The following FBXL17 variants were observed in gnomAD, a reference collection of about 807,000 sequenced individuals.
The protein encoded by FBXL17 is F-box and leucine rich repeat protein 17, also known as F-box/LRR-repeat protein 17.
Under a neutral mutation model 66.2 loss-of-function variants are expected in FBXL17, and 22 were observed. The observed-to-expected ratio is 0.33, with a 90% CI of 0.24 to 0.47. The LOEUF is 0.47. Among genes scored for constraint, FBXL17 ranks in the 20% least tolerant of loss-of-function variants. The probability of loss-of-function intolerance (pLI) is 1.00; values close to 1 mark genes in which losing one functional copy is unlikely to be tolerated. For synonymous variants in FBXL17, 474 were observed against 400.5 expected (o/e 1.18, Z -2.19); for missense variants, 878 against 948.2 (o/e 0.93, Z 0.97).
intron 7 of FBXL17, among the ~76,000 whole-genome samples, chr5:107,901,142 T>G (rs561302520): frequency 6.6e-6 from 1 of 152,324 alleles, no homozygotes; most frequent in Non-Finnish European, 1.5e-5. Flanking sequence ...ACTATAAATT[T>G]TCTTAACCTG....
chr5:108,302,346 G>T (rs986468288), intron 4 of FBXL17, among the ~76,000 whole-genome samples: 1 of 151,776 alleles, frequency 6.6e-6, no homozygotes, highest in Non-Finnish European at 1.5e-5. Flanking sequence ...TGGAATGAGT[G>T]CTTCAAACAA....
chr5:108,201,240 C>A (rs1753882317), intron 5 of FBXL17, among the ~76,000 whole-genome samples: 1 of 152,036 alleles, frequency 6.6e-6, no homozygotes, highest in Non-Finnish European at 1.5e-5. Context: ...CAACATTAAA[C>A]AAAATTGCAA....
At chr5:108,322,732 A>G (rs985006431) in intron 4 of FBXL17, among the ~76,000 whole-genome samples, 31 of 151,950 alleles carry the variant, frequency 2.0e-4, no homozygotes, top group African/African-American at 7.5e-4. Context: ...ATTTCCATCA[A>G]TAATTTAATA....
At chr5:108,119,275 G>T (rs937563423) in intron 6 of FBXL17, among the ~76,000 whole-genome samples, 5 of 152,202 alleles carry the variant, frequency 3.3e-5, no homozygotes, top group African/African-American at 1.2e-4. Flanking sequence ...CTGAGGTTGT[G>T]CAAGGGGAAT....
intron 6 of FBXL17, among the ~76,000 whole-genome samples, chr5:108,157,074 G>A (rs1031823444): frequency 6.7e-6 from 1 of 149,718 alleles, no homozygotes; most frequent in Non-Finnish European, 1.5e-5. Flanking sequence ...AAACACAAGA[G>A]TTAGATCTAG....
chr5:108,195,706 C>G (rs1057404509), intron 5 of FBXL17, among the ~76,000 whole-genome samples: 1 of 152,070 alleles, frequency 6.6e-6, no homozygotes, highest in Admixed American at 6.6e-5. Context: ...TTAATCCAGT[C>G]AAGAGTTATC....
chr5:108,268,212 A>T (rs377245272), intron 4 of FBXL17, among the ~76,000 whole-genome samples: 57 of 152,092 alleles, frequency 3.7e-4, no homozygotes, highest in African/African-American at 1.4e-3. Flanking sequence ...TGAATAAATC[A>T]TAAGTAAGTG....
intron 6 of FBXL17, among the ~76,000 whole-genome samples, chr5:108,086,594 T>G (rs1748979178): frequency 6.6e-6 from 1 of 152,204 alleles, no homozygotes; most frequent in Admixed American, 6.5e-5. Context: ...AGTTTCACTC[T>G]GTTGCCCAGG....
chr5:108,045,391 C>T lies in FBXL17; in HGVS notation c.1746-24390G>A, dbSNP rs554021560. On this transcript the variant is annotated intron_variant, in intron 6 of 8. Transcript: ENST00000542267. ...CAGGAGGCAGAGGTTTCAGTGAGCT[C>T]AGATCGCACCACTGCACTCCAGCCT... is the stretch of plus-strand genomic sequence containing the variant. Among the ~76,000 whole-genome samples, 26 of 152,096 alleles carry T rather than the reference C, an allele frequency of 1.7e-4. 1 individual carries two copies. The South Asian group carries it at 5.4e-3, about 32-fold the overall frequency.
chr5:108,247,367 T>C (rs1580686406), intron 4 of FBXL17, among the ~76,000 whole-genome samples: 1 of 152,116 alleles, frequency 6.6e-6, no homozygotes, highest in East Asian at 1.9e-4. Flanking sequence ...GATGTGAATG[T>C]ACAAAGTATA....
At chr5:108,313,107 T>A (rs1255685878) in intron 4 of FBXL17, among the ~76,000 whole-genome samples, 1 of 152,120 alleles carries the variant, frequency 6.6e-6, no homozygotes, top group Non-Finnish European at 1.5e-5. Flanking sequence ...GGGTCATCTT[T>A]ACTGCTTAGC....
chr5:108,365,029 G>A, intron 2 of FBXL17, 34 bp from the exon 3 acceptor site: 1 of 1,517,408 alleles, frequency 6.6e-7, no homozygotes, highest in Non-Finnish European at 8.9e-7. Flanking sequence ...TTAAACTTTT[G>A]CTAAAAATAA....
chr5:108,273,245 C>T (rs576920424), intron 4 of FBXL17, among the ~76,000 whole-genome samples: 135 of 152,008 alleles, frequency 8.9e-4, no homozygotes, highest in African/African-American at 2.9e-3. Context: ...TGCTAAACGA[C>T]GAGTTAATGG....
intron 6 of FBXL17, among the ~76,000 whole-genome samples, chr5:108,095,695 C>T (rs1749341931): frequency 6.6e-6 from 1 of 151,964 alleles, no homozygotes; most frequent in African/African-American, 2.4e-5. Context: ...TTATTAGAGA[C>T]AATAAATGGC....
At chr5:108,182,691 A>G (rs536786726) in intron 6 of FBXL17, among the ~76,000 whole-genome samples, 1 of 152,240 alleles carries the variant, frequency 6.6e-6, no homozygotes, top group Non-Finnish European at 1.5e-5. Context: ...CCATTAGTTA[A>G]GTAGGAAAAA....
intron 5 of FBXL17, among the ~76,000 whole-genome samples, chr5:108,221,666 T>C (rs534810749): frequency 6.6e-6 from 1 of 152,296 alleles, no homozygotes; most frequent in African/African-American, 2.4e-5. Flanking sequence ...TGTACTATGA[T>C]GATAAGGAAA....
In FBXL17 at chr5:108,109,675, C is replaced by A. The variant is rs139452821; in HGVS notation, c.1745+76442G>T. ...TAGTAAGGGATAAGAAGAGAAATTTCTTTCCCCCACAGAATGGAATACCAG... is the reference window on the plus strand; with the variant it reads ...TAGTAAGGGATAAGAAGAGAAATTTATTTCCCCCACAGAATGGAATACCAG... On this transcript the variant is annotated intron_variant, in intron 6 of 8. Coordinates refer to ENST00000542267, the MANE Select transcript of FBXL17 (RefSeq NM_001163315.3). 1.4e-3 allele frequency among the ~76,000 whole-genome samples: 213 copies of A among 152,194 alleles called. 1 individual carries two copies. Among genetic ancestry groups the A allele is most frequent in the African/African-American group, 5.0e-3 (208 of 41,540 alleles).
At position 108,297,085 on chromosome 5, in the gene FBXL17, T is replaced by G. The variant is rs189870561; in HGVS notation, c.1506+51314A>C. On this transcript the variant is annotated intron_variant, in intron 4 of 8. Transcript: ENST00000542267. ...TATAAATCACCTAACCTTCTTCAATTGGATAATCTCCACTTAAAGCAAATA... is the reference window on the plus strand; with the variant it reads ...TATAAATCACCTAACCTTCTTCAATGGGATAATCTCCACTTAAAGCAAATA... 1.4e-3 allele frequency among the ~76,000 whole-genome samples: 212 copies of G among 151,658 alleles called. 7 individuals carry two copies. The South Asian group carries it at 0.042, about 30-fold the overall frequency.
At chr5:108,262,424 T>C (rs1756875960) in intron 4 of FBXL17, among the ~76,000 whole-genome samples, 1 of 152,088 alleles carries the variant, frequency 6.6e-6, no homozygotes, top group East Asian at 1.9e-4. Flanking sequence ...CCAGAAAATA[T>C]ATACATCAAA....
Sources: gnomAD v4.1 joint callset for allele counts (sites outside exome capture counted in the v4.1 genomes callset) on GRCh38, gnomAD v4.1.1 for gene constraint, MANE v1.5 for transcripts, NCBI Gene and HGNC (gene_info 2026-07-23, HGNC 2026-07-21) for gene names.